Variants in FMNL3 observed in about 807,000 individuals in gnomAD.
FMNL3 encodes formin like 3.
In FMNL3, 57 loss-of-function variants were observed where a neutral mutation model predicts 119.6. That is an observed-to-expected ratio of 0.48 (90% CI 0.39 to 0.59). FMNL3 has a LOEUF of 0.59. Ranked by LOEUF, FMNL3 falls within the 20% of genes least tolerant of loss-of-function variation. The pLI is 0.00. For missense variants in FMNL3, 1,053 were observed against 1,323.5 expected (o/e 0.80, Z 3.17); for synonymous variants, 491 against 507.3 (o/e 0.97, Z 0.43).
chr12:49,703,260 A>G (rs1051760265), intron 1 of FMNL3, among the ~76,000 whole-genome samples: 3 of 152,206 alleles, frequency 2.0e-5, no homozygotes, highest in South Asian at 2.1e-4. Flanking sequence ...CTCTCTATGG[A>G]AAGTCCAGTA....
At position 49,647,747 on chromosome 12, in the gene FMNL3, AAGGAGG is replaced by A. The variant is rs1446206610; in HGVS notation, c.2728_2733del (p.Pro910_Pro911del). On this transcript the variant is annotated inframe_deletion, in exon 23 of 26. Transcript: ENST00000335154. The surrounding 1 kb of genome is among the most constrained non-coding windows in gnomAD (Gnocchi z 4.9). ...CGGACAAATACTGGGAAGAATACAG[AAGGAGG>A]TGTAGTCTTGGGACTCTCGCCAAAG... 1 of 1,614,044 alleles carries A rather than the reference AAGGAGG, an allele frequency of 6.2e-7. No individual in the cohort carries two copies. The highest frequency in any genetic ancestry group is 1.3e-5 in the African/African-American group (1 of 74,918).
At chr12:49,658,382 C>T (rs978941002) in intron 6 of FMNL3, 60 bp downstream of exon 6, 6 of 1,525,394 alleles carry the variant, frequency 3.9e-6, no homozygotes, top group Non-Finnish European at 5.3e-6. Flanking sequence ...ACTGCTGAAC[C>T]CGAGACCTGC....
intron 4 of FMNL3, 51 bp downstream of exon 4, chr12:49,665,781 A>G: frequency 6.3e-7 from 1 of 1,575,054 alleles, no homozygotes. Flanking sequence ...CTGTGTGCCC[A>G]GCCAGCAGCC....
In FMNL3 at chr12:49,658,600, G is replaced by A. The variant is rs1592654061; in HGVS notation, c.453-6C>T. 1 of 1,602,134 alleles carries A rather than the reference G, an allele frequency of 6.2e-7. No homozygotes were observed. Among genetic ancestry groups the A allele is most frequent in the Non-Finnish European group, 8.5e-7 (1 of 1,173,712 alleles). On this transcript the variant is annotated splice_polypyrimidine_tract_variant and splice_region_variant and intron_variant, in intron 5 of 25. Transcript: ENST00000335154. ...CCAGACCCTCAAAGTCAAACCTGGA[G>A]CATGAAAGGACACACATGCGCATAC...
Position 49,637,749 on chromosome 12 carries a change from C to A in FMNL3, c.*8066G>T. ...TCCTTACAGGCTCCACCCCTCTGGACTTATTCAAGTTCTATGTGGAGGAGT... is the reference window on the plus strand; with the variant it reads ...TCCTTACAGGCTCCACCCCTCTGGAATTATTCAAGTTCTATGTGGAGGAGT... On this transcript the variant is annotated 3_prime_UTR_variant, in exon 26 of 26. Coordinates refer to ENST00000335154, the MANE Select transcript of FMNL3 (RefSeq NM_175736.5). The A allele has an allele frequency of 6.2e-7, 1 of 1,608,262 alleles. No individual in the cohort carries two copies. Among genetic ancestry groups the A allele is most frequent in the Non-Finnish European group, 8.5e-7 (1 of 1,175,866 alleles).
chr12:49,660,419 T>G (rs2138811984), intron 5 of FMNL3, among the ~76,000 whole-genome samples: 1 of 152,324 alleles, frequency 6.6e-6, no homozygotes, highest in South Asian at 2.1e-4. Context: ...TTAAGAAAAA[T>G]TATTTCACCA....
chr12:49,681,526 T>G (rs1450469914), intron 1 of FMNL3, among the ~76,000 whole-genome samples: 1 of 151,798 alleles, frequency 6.6e-6, no homozygotes, highest in African/African-American at 2.4e-5. Context: ...AGCACAGGCT[T>G]TGGAATCAGG....
Position 49,702,055 on chromosome 12 carries a change from A to G in FMNL3, c.126+5000T>C, listed in dbSNP as rs114792950. On this transcript the variant is annotated intron_variant, in intron 1 of 25. Coordinates refer to ENST00000335154, the MANE Select transcript of FMNL3 (RefSeq NM_175736.5). ...ATGGTGGCTCATGCCTAAAATCCCA[A>G]TACTTTGGGTGACTGAGGTGGGAGA... Among the ~76,000 whole-genome samples the G allele has an allele frequency of 9.3e-3, 1,423 of 152,268 alleles. 19 individuals are homozygous for G. The highest frequency in any genetic ancestry group is 0.032 in the African/African-American group (1,332 of 41,542).
intron 1 of FMNL3, among the ~76,000 whole-genome samples, chr12:49,682,625 G>A (rs766570464): frequency 6.6e-6 from 1 of 152,070 alleles, no homozygotes; most frequent in African/African-American, 2.4e-5. Flanking sequence ...GAAATCACAG[G>A]TATGAGCCAC....
chr12:49,667,197 T>C (rs1375670029), intron 2 of FMNL3, among the ~76,000 whole-genome samples: 1 of 149,540 alleles, frequency 6.7e-6, no homozygotes, highest in Non-Finnish European at 1.5e-5. Context: ...TCTGAAGAGC[T>C]GGTGGGTGGA....
rs374541693 is a variant in FMNL3, at chr12:49,642,684, G to A, written c.*3131C>T. 1.1e-4 allele frequency: 174 copies of A among 1,612,978 alleles called. No individual in the cohort carries two copies. In the African/African-American group the frequency reaches 1.6e-3, roughly 15 times the overall value. On this transcript the variant is annotated 3_prime_UTR_variant, in exon 26 of 26. Transcript: ENST00000335154. This position sits in a 1 kb window ranked among gnomAD's most constrained non-coding sequence, Gnocchi z 5.8. ...TCCTACAGGTGCTGGAGGTGAGGCAGGCTTGTCCTCTGGATCTGCCTCAGG... is the reference window on the plus strand; with the variant it reads ...TCCTACAGGTGCTGGAGGTGAGGCAAGCTTGTCCTCTGGATCTGCCTCAGG...
At chr12:49,663,550 C>T (rs1943799943) in intron 4 of FMNL3, among the ~76,000 whole-genome samples, 1 of 152,258 alleles carries the variant, frequency 6.6e-6, no homozygotes, top group Non-Finnish European at 1.5e-5. Flanking sequence ...TTCCACATAA[C>T]TCTACCCAGA....
chr12:49,644,113 C>T lies in FMNL3; in HGVS notation c.*1702G>A, dbSNP rs770497698. The T allele has an allele frequency of 5.6e-6, 9 of 1,614,110 alleles. No homozygotes were observed. The highest frequency in any genetic ancestry group is 1.1e-5 in the South Asian group (1 of 91,072). On this transcript the variant is annotated 3_prime_UTR_variant, in exon 26 of 26. Transcript: ENST00000335154. The stretch of plus-strand genomic sequence containing the variant: ...TTGCTCCAACAGACAGGCTGGGACA[C>T]GTCAGAAAGTGAGCTGAGTGAGGGT...
Position 49,650,032 on chromosome 12 carries a change from G to T in FMNL3, c.2001-107C>A, listed in dbSNP as rs1943346421. 4 of 957,616 alleles carry T rather than the reference G, an allele frequency of 4.2e-6. No homozygotes were observed. In the East Asian group the frequency reaches 7.9e-5, roughly 19 times the overall value. The allele number at this position is 957,616 out of a possible 1,614,324, so 59.3% of individuals were successfully genotyped here. A position where few individuals can be genotyped will look rare whatever the true frequency, so the allele number is the denominator to read the frequency against. On this transcript the variant is annotated intron_variant, in intron 17 of 25. Transcript: ENST00000335154. ...AGAACTGGACAGGGGACTGTACACG[G>T]AACACAGCCAAAGGCAAAGGACCCA...
chr12:49,651,476 G>A (rs1163079593), intron 14 of FMNL3, 26 bp from the exon 15 acceptor site: 8 of 1,448,544 alleles, frequency 5.5e-6, no homozygotes, highest in Non-Finnish European at 7.3e-6. Flanking sequence ...ATGACACAGT[G>A]ACCCAGGCGT....
Position 49,649,977 on chromosome 12 carries a change from C to A in FMNL3, c.2001-52G>T. ...GTTCTCACATCTCTCCACGTTTTCC[C>A]TCATCCCTTTTATTCTCCAAGCTCC... On this transcript the variant is annotated intron_variant, in intron 17 of 25. Transcript: ENST00000335154. This position sits in a 1 kb window ranked among gnomAD's most constrained non-coding sequence, Gnocchi z 5.6. 1 of 1,502,156 alleles carries A rather than the reference C, an allele frequency of 6.7e-7. No homozygotes were observed. The highest frequency in any genetic ancestry group is 1.2e-5 in the South Asian group (1 of 84,504). 93.1% of individuals were successfully genotyped at this position (1,502,156 alleles called of 1,614,324 possible). A position where few individuals can be genotyped will look rare whatever the true frequency, so the allele number is the denominator to read the frequency against.
In FMNL3 at chr12:49,707,197, C is replaced by G. The variant is rs1400995371; in HGVS notation, c.-17G>C. On this transcript the variant is annotated 5_prime_UTR_variant, in exon 1 of 26. Transcript: ENST00000335154. ...GTTGCCCATCGCGGCGGGGCCCCCT[C>G]AGGGGCCTCGGCCCCCCACCTCCAC... 8 of 1,510,752 alleles carry G rather than the reference C, an allele frequency of 5.3e-6. No individual in the cohort carries two copies. Among genetic ancestry groups the G allele is most frequent in the African/African-American group, 2.9e-5 (2 of 69,790 alleles). The allele number at this position is 1,510,752 out of a possible 1,614,324, so 93.6% of individuals were successfully genotyped here. A position where few individuals can be genotyped will look rare whatever the true frequency, so the allele number is the denominator to read the frequency against.
At chr12:49,688,823 T>C (rs1267617669) in intron 1 of FMNL3, among the ~76,000 whole-genome samples, 1 of 152,168 alleles carries the variant, frequency 6.6e-6, no homozygotes, top group Admixed American at 6.5e-5. Context: ...AAGAAAACAC[T>C]AGCAGGTATA....
intron 9 of FMNL3, 126 bp downstream of exon 9, chr12:49,656,278 G>A (rs1943566006): frequency 4.5e-6 from 3 of 665,870 alleles, no homozygotes; most frequent in Non-Finnish European, 7.7e-6. Flanking sequence ...CAGGAGAGAG[G>A]CTGCTTGGCC....
Sources: gnomAD v4.1 joint callset for allele counts (sites outside exome capture counted in the v4.1 genomes callset) on GRCh38, gnomAD v4.1.1 for gene constraint, Gnocchi (gnomAD v3.1) non-coding constraint, MANE v1.5 for transcripts, NCBI Gene and HGNC (gene_info 2026-07-23, HGNC 2026-07-21) for gene names.